Variants in NAV2 observed in about 807,000 individuals in gnomAD.
The protein encoded by NAV2 is neuron navigator 2, also known as helicase, APC down-regulated 1.
In NAV2, 54 loss-of-function variants were observed where a neutral mutation model predicts 223.2. That is an observed-to-expected ratio of 0.24 (90% CI 0.19 to 0.30). The LOEUF is 0.30. Ranked by LOEUF, NAV2 falls within the 10% of genes least tolerant of loss-of-function variation. The pLI, the probability that NAV2 is intolerant of heterozygous loss-of-function variation, is 1.00. For synonymous variants in NAV2, 1,279 were observed against 1,239.3 expected, an observed-to-expected ratio of 1.03 and a Z score of -0.67; for missense variants, 2,806 against 3,147.5, an observed-to-expected ratio of 0.89 and a Z score of 2.60.
At chr11:19,938,503 G>C (rs1228084658) in intron 7 of NAV2, among the ~76,000 whole-genome samples, 3 of 152,218 alleles carry the variant, frequency 2.0e-5, no homozygotes, top group African/African-American at 4.8e-5. Flanking sequence ...ACTGGACGAA[G>C]GCAGAAATGC....
chr11:19,757,464 GA>G (rs1157750345), intron 1 of NAV2, among the ~76,000 whole-genome samples: 4 of 152,188 alleles, frequency 2.6e-5, no homozygotes, highest in Admixed American at 6.5e-5. Context: ...TTGAATTTCT[GA>G]ATTAAAGGCT....
At chr11:19,600,841 G>A (rs1157641609) in intron 1 of NAV2, among the ~76,000 whole-genome samples, 2 of 152,200 alleles carry the variant, frequency 1.3e-5, no homozygotes, top group Non-Finnish European at 2.9e-5. Flanking sequence ...GAGGTTCTTA[G>A]CTGAAGGTTT....
chr11:19,906,337 C>G (rs1459234631), intron 6 of NAV2, among the ~76,000 whole-genome samples: 1 of 152,136 alleles, frequency 6.6e-6, no homozygotes, highest in African/African-American at 2.4e-5. Flanking sequence ...GTCACGTGAC[C>G]TGCCCAAATT....
intron 10 of NAV2, among the ~76,000 whole-genome samples, chr11:19,956,417 C>A (rs2047887030): frequency 6.6e-6 from 1 of 151,872 alleles, no homozygotes; most frequent in African/African-American, 2.4e-5. Flanking sequence ...CTCTCTCTAT[C>A]TCTCCAGATG....
At chr11:19,948,592 A>G in intron 9 of NAV2, 99 bp from the exon 10 acceptor site, 1 of 1,298,186 alleles carries the variant, frequency 7.7e-7, no homozygotes, top group East Asian at 2.6e-5. Context: ...CCTATTTTAT[A>G]TATGAGGATT....
At chr11:19,382,109 G>A (rs1848859425) in intron 1 of NAV2, among the ~76,000 whole-genome samples, 1 of 152,202 alleles carries the variant, frequency 6.6e-6, no homozygotes, top group South Asian at 2.1e-4. Context: ...ATCTCTGTCT[G>A]CAGGATGAAT....
intron 1 of NAV2, among the ~76,000 whole-genome samples, chr11:19,629,846 T>C (rs1011053466): frequency 5.9e-5 from 9 of 152,230 alleles, no homozygotes; most frequent in African/African-American, 1.9e-4. Context: ...CACCCTGGAA[T>C]GGCCGCATCA....
At chr11:19,748,160 A>G (rs1317993629) in intron 1 of NAV2, among the ~76,000 whole-genome samples, 1 of 152,224 alleles carries the variant, frequency 6.6e-6, no homozygotes, top group African/African-American at 2.4e-5. Context: ...CTTCAAAGCA[A>G]GTCACAGTCA....
At chr11:19,552,158 G>A (rs561761448) in intron 1 of NAV2, among the ~76,000 whole-genome samples, 1 of 152,190 alleles carries the variant, frequency 6.6e-6, no homozygotes, top group African/African-American at 2.4e-5. Flanking sequence ...AGAGCCTCTT[G>A]GGGTGTAGGT....
In NAV2 at chr11:20,054,144, G is replaced by T. The variant is rs1423234864; in HGVS notation, c.4546G>T (p.Ala1516Ser). ...AAAAGAATGGTTACGGTCCCATTCT[G>T]CAGGAGGCCTTCAGGACACCGCTGC... ...DAKEWLRSHS[A>S]GGLQDTAANS... Residue 1516 changes from alanine (A) to serine (S), a missense_variant, in exon 18 of 38, where the codon GCA (alanine) becomes TCA (serine). Physicochemically the swap from Ala to Ser is moderately conservative, Grantham distance 99. Around this residue, in one of 4 missense-constraint regions of NAV2, gnomAD observed 742 missense variants for 777.9 expected, o/e 0.95. Coordinates refer to ENST00000349880, the MANE Select transcript of NAV2 (RefSeq NM_145117.5). 5 of 1,613,648 alleles carry T rather than the reference G, an allele frequency of 3.1e-6. No individual in the cohort carries two copies. The African/African-American group carries it at 5.3e-5, about 17-fold the overall frequency.
At chr11:19,663,308 G>A (rs915794995) in intron 1 of NAV2, among the ~76,000 whole-genome samples, 1 of 152,182 alleles carries the variant, frequency 6.6e-6, no homozygotes, top group African/African-American at 2.4e-5. Flanking sequence ...ATTATATGGT[G>A]GGCATTGTGC....
intron 5 of NAV2, among the ~76,000 whole-genome samples, chr11:19,888,553 A>T (rs1332824833): frequency 2.0e-5 from 3 of 152,280 alleles, no homozygotes; most frequent in Admixed American, 6.5e-5. Context: ...AAACTGGAAG[A>T]TATTCTGCTT....
Position 20,055,872 on chromosome 11 carries a change from C to T in NAV2, c.4746C>T (p.Ser1582=). The change falls in exon 19 of 38, where the codon AGC becomes AGT. Residue 1582 remains serine, a synonymous_variant. Transcript: ENST00000349880. Reference sequence around the variant, plus strand: ...GGCAGTATGATCCATACACTGACAGCCGCTTCCGGAATAGCTCCATGTCCC... The same window carrying T: ...GGCAGTATGATCCATACACTGACAGTCGCTTCCGGAATAGCTCCATGTCCC... The part of the protein sequence containing the change: ...ADGQYDPYTD[S]RFRNSSMSLD... 1 of 1,614,232 alleles carries T rather than the reference C, an allele frequency of 6.2e-7. No homozygotes were observed. Among genetic ancestry groups the T allele is most frequent in the Admixed American group, 1.7e-5 (1 of 60,034 alleles).
intron 10 of NAV2, among the ~76,000 whole-genome samples, chr11:19,951,761 C>T (rs1188006803): frequency 6.6e-6 from 1 of 152,202 alleles, no homozygotes; most frequent in Non-Finnish European, 1.5e-5. Context: ...GAGCCTTTAC[C>T]TTTGCTTAAA....
chr11:19,573,277 A>G (rs958830077), intron 1 of NAV2, among the ~76,000 whole-genome samples: 3 of 152,074 alleles, frequency 2.0e-5, no homozygotes, highest in African/African-American at 7.2e-5. Context: ...CCTACACTTC[A>G]TACCTATCTT....
At chr11:19,606,983 G>C (rs2046489425) in intron 1 of NAV2, among the ~76,000 whole-genome samples, 1 of 152,150 alleles carries the variant, frequency 6.6e-6, no homozygotes, top group South Asian at 2.1e-4. Context: ...GAGATGCATT[G>C]CTCCAGCTGG....
At chr11:19,552,147 CAG>C (rs1302691533) in intron 1 of NAV2, among the ~76,000 whole-genome samples, 1 of 152,112 alleles carries the variant, frequency 6.6e-6, no homozygotes, top group Non-Finnish European at 1.5e-5. Flanking sequence ...GGAGACAGGA[CAG>C]AGCCTCTTGG....
chr11:20,003,839 G>C (rs1725209822), intron 11 of NAV2, among the ~76,000 whole-genome samples: 1 of 152,180 alleles, frequency 6.6e-6, no homozygotes, highest in South Asian at 2.1e-4. Context: ...GAATTATTGG[G>C]ATCTGTTGCT....
At chr11:19,448,063 G>C (rs1294493773) in intron 1 of NAV2, among the ~76,000 whole-genome samples, 1 of 152,160 alleles carries the variant, frequency 6.6e-6, no homozygotes, top group East Asian at 1.9e-4. Context: ...CTGCCCTCAA[G>C]GGACACACAA....
Sources: gnomAD v4.1 joint callset for allele counts (sites outside exome capture counted in the v4.1 genomes callset) on GRCh38, gnomAD v4.1.1 for gene constraint, gnomAD v4.1.1 regional missense constraint, MANE v1.5 for transcripts, NCBI Gene and HGNC (gene_info 2026-07-23, HGNC 2026-07-21) for gene names.